DENND4B: variants seen among roughly 807,000 people sequenced by gnomAD.
DENND4B encodes the protein DENN domain-containing protein 4B.
Under a neutral mutation model 161.0 loss-of-function variants are expected in DENND4B, and 67 were observed. The ratio of observed to expected loss-of-function variants is 0.42; its 90% CI spans 0.34 to 0.51. The LOEUF (loss-of-function observed/expected upper bound fraction) is 0.51, where lower values mean the gene tolerates loss of function less well. Ranked by LOEUF, DENND4B falls within the 20% of genes least tolerant of loss-of-function variation. The pLI, the probability that DENND4B is intolerant of heterozygous loss-of-function variation, is 0.08. For synonymous variants in DENND4B, 753 were observed against 813.8 expected, an observed-to-expected ratio of 0.93 and a Z score of 1.27; for missense variants, 1,481 against 1,968.0, an observed-to-expected ratio of 0.75 and a Z score of 4.68.
intron 24 of DENND4B, among the ~76,000 whole-genome samples, chr1:153,931,733 T>C (rs1678951358): frequency 2.0e-5 from 3 of 152,072 alleles, no homozygotes; most frequent in East Asian, 1.9e-4. Context: ...CCTGACCTCA[T>C]GATCTGCCCA....
Position 153,930,120 on chromosome 1 carries a change from A to G in DENND4B, c.*177T>C. On this transcript the variant is annotated 3_prime_UTR_variant, in exon 28 of 28. Transcript: ENST00000361217. This position sits in a 1 kb window ranked among gnomAD's most constrained non-coding sequence, Gnocchi z 4.7. Reference sequence around the variant, plus strand: ...AACTGGGTAGGTTGGTGATGGGGGAATCAGGACTTTTGGTAACAGTGGATC... The same window carrying G: ...AACTGGGTAGGTTGGTGATGGGGGAGTCAGGACTTTTGGTAACAGTGGATC... 1.2e-6 allele frequency: 1 copy of G among 843,664 alleles called. No individual in the cohort carries two copies. Among genetic ancestry groups the G allele is most frequent in the Non-Finnish European group, 1.8e-6 (1 of 561,912 alleles). The allele number at this position is 843,664 out of a possible 1,614,324, so 52.3% of individuals were successfully genotyped here.
intron 6 of DENND4B, 96 bp downstream of exon 6, chr1:153,941,773 C>CGGGGGGGGGGGGG: frequency 5.6e-6 from 8 of 1,426,304 alleles, no homozygotes; most frequent in African/African-American, 1.4e-5. Context: ...ACCCTGTGCC[C>CGGGGGGGGGGGGG]AGCCCTCCCC....
rs772429688 is a variant in DENND4B at position 153,932,980 on chromosome 1, A to G, written c.3504T>C (p.Tyr1168=). 5 of 1,613,976 alleles carry G rather than the reference A, an allele frequency of 3.1e-6. No individual in the cohort carries two copies. Among genetic ancestry groups the G allele is most frequent in the Non-Finnish European group, 4.2e-6 (5 of 1,179,876 alleles). ...SLCRACDSLV[Y]DEEIMAGWAP... ...CCCAGCCAGCCATGATTTCCTCATC[A>G]TACACCAGCGAATCACAGGCACGGC... Residue 1168 remains tyrosine (Y), a synonymous_variant, in exon 22 of 28, where the codon TAT becomes TAC. Transcript: ENST00000361217. The surrounding 1 kb of genome is among the most constrained non-coding windows in gnomAD (Gnocchi z 5.8).
At chr1:153,946,766 C>A (rs1257746956), upstream of DENND4B, 5 of 371,250 alleles carry the variant, frequency 1.3e-5, no homozygotes, top group Admixed American at 4.6e-5. The surrounding 1 kb of genome is among the most constrained non-coding windows in gnomAD (Gnocchi z 6.3). Context: ...GCTGGGAGGG[C>A]CCCCTGCACC....
At chr1:153,946,824 G>C, upstream of DENND4B, 2 of 352,998 alleles carry the variant, frequency 5.7e-6, no homozygotes, top group Non-Finnish European at 1.0e-5. The surrounding 1 kb of genome is among the most constrained non-coding windows in gnomAD (Gnocchi z 6.3). Context: ...ACTGACCCCA[G>C]GCGACCCAGA....
In DENND4B at chr1:153,936,898, G is replaced by A. The variant is rs1679374508; in HGVS notation, c.2233-150C>T. 1 of 703,984 alleles carries A rather than the reference G, an allele frequency of 1.4e-6. No homozygotes were observed. The highest frequency in any genetic ancestry group is 2.2e-6 in the Non-Finnish European group (1 of 453,188). 43.6% of individuals were successfully genotyped at this position (703,984 alleles called of 1,614,324 possible). On this transcript the variant is annotated intron_variant, in intron 15 of 27. Coordinates refer to ENST00000361217, the MANE Select transcript of DENND4B (RefSeq NM_014856.3). The surrounding 1 kb of genome is among the most constrained non-coding windows in gnomAD (Gnocchi z 4.1). The stretch of plus-strand genomic sequence containing the variant: ...GGCTCACTGCAGACTCGGCCTCCTG[G>A]GCTCAAGCGATTCTCCCACCTCAGT...
chr1:153,934,041 C>T lies in DENND4B; in HGVS notation c.2941+94G>A, dbSNP rs904916195. ...ATCTACAGCACCCACCACAGAGGGC[C>T]GCCCTCCACTCTGTTTCTGGTCTTC... On this transcript the variant is annotated intron_variant, in intron 19 of 27. Transcript: ENST00000361217. The surrounding 1 kb of genome is among the most constrained non-coding windows in gnomAD (Gnocchi z 5.3). 3.9e-5 allele frequency: 57 copies of T among 1,458,166 alleles called. No individual in the cohort carries two copies. The highest frequency in any genetic ancestry group is 2.2e-4 in the Middle Eastern group (1 of 4,464). 90.3% of individuals were successfully genotyped at this position (1,458,166 alleles called of 1,614,324 possible). A position where few individuals can be genotyped will look rare whatever the true frequency, so the allele number is the denominator to read the frequency against.
At position 153,941,862 on chromosome 1, in the gene DENND4B, TGCTCAC is replaced by T; in HGVS notation, c.1055+1_1055+6del. On this transcript the variant is annotated splice_donor_variant and splice_donor_5th_base_variant and intron_variant, in intron 6 of 27. Coordinates refer to ENST00000361217, the MANE Select transcript of DENND4B (RefSeq NM_014856.3). LOFTEE classifies it high-confidence loss of function. ...CCCCTTCCCAATGGCAGAGGAGCCATGCTCACGCTTCCAAGGGTAGGCGGTGGGGGC... is the reference window on the plus strand; with the variant it reads ...CCCCTTCCCAATGGCAGAGGAGCCATGCTTCCAAGGGTAGGCGGTGGGGGC... 1 of 1,474,162 alleles carries T rather than the reference TGCTCAC, an allele frequency of 6.8e-7. No individual in the cohort carries two copies. The highest frequency in any genetic ancestry group is 9.1e-7 in the Non-Finnish European group (1 of 1,093,606). The allele number at this position is 1,474,162 out of a possible 1,614,324, so 91.3% of individuals were successfully genotyped here.
In DENND4B at chr1:153,930,703, C is replaced by A; in HGVS notation, c.4269G>T (p.Leu1423=). Residue 1423 remains leucine, a synonymous_variant, in exon 26 of 28, where the codon CTG becomes CTT. Transcript: ENST00000361217. The surrounding 1 kb of genome is among the most constrained non-coding windows in gnomAD (Gnocchi z 4.7). ...LETLGPPPTG[L]HLQRGIYREI... ...TGGTAGCACCATACCTCTGCAGGTG[C>A]AGGCCAGTGGGTGGGGGCCCTAGAG... The A allele has an allele frequency of 6.2e-7, 1 of 1,612,134 alleles. No individual in the cohort carries two copies. The highest frequency in any genetic ancestry group is 8.5e-7 in the Non-Finnish European group (1 of 1,178,900).
rs1300137362 is a variant in DENND4B at position 153,931,055 on chromosome 1, G to A, written c.4006C>T (p.Pro1336Ser). Residue 1336 changes from proline to serine, a missense_variant, in exon 25 of 28, where the codon CCT becomes TCT. Around this residue, in one of 3 missense-constraint regions of DENND4B, gnomAD observed 336 missense variants for 503.3 expected, o/e 0.67. Coordinates refer to ENST00000361217, the MANE Select transcript of DENND4B (RefSeq NM_014856.3). ...DGPSHSQAPS[P>S]WLTPDPASVQ... Reference sequence around the variant, plus strand: ...GAGGCTGGATCAGGGGTTAGCCAAGGAGATGGGGCCTGGGGGAGCCAAGAT... The same window carrying A: ...GAGGCTGGATCAGGGGTTAGCCAAGAAGATGGGGCCTGGGGGAGCCAAGAT... 1 of 1,610,798 alleles carries A rather than the reference G, an allele frequency of 6.2e-7. No individual in the cohort carries two copies. Among genetic ancestry groups the A allele is most frequent in the South Asian group, 1.1e-5 (1 of 90,300 alleles).
At chr1:153,945,269 A>G (rs1414524743) in intron 1 of DENND4B, 4 of 870,456 alleles carry the variant, frequency 4.6e-6, no homozygotes, top group Non-Finnish European at 6.4e-6. Flanking sequence ...TTCAGAGGGG[A>G]AGGGAGGTTA....
Position 153,931,019 on chromosome 1 carries a change from G to A in DENND4B, c.4042C>T (p.Arg1348Trp), listed in dbSNP as rs753159925. Residue 1348 changes from arginine to tryptophan, a missense_variant, in exon 25 of 28, where the codon CGG (arginine) becomes TGG (tryptophan). By Grantham distance (101) the Arg-to-Trp change is moderately radical. This residue lies in a region of DENND4B where 336 missense variants were observed against 503.3 expected (regional missense o/e 0.67). Coordinates refer to ENST00000361217, the MANE Select transcript of DENND4B (RefSeq NM_014856.3). ...GGGGTCAGTACATCCCACAGCAGCC[G>A]TACCTGAACAGAGGCTGGATCAGGG... is the stretch of plus-strand genomic sequence containing the variant. ...LTPDPASVQV[R>W]LLWDVLTPDP... The A allele has an allele frequency of 5.6e-6, 9 of 1,611,704 alleles. No individual in the cohort carries two copies. The highest frequency in any genetic ancestry group is 6.8e-6 in the Non-Finnish European group (8 of 1,178,964).
Position 153,934,645 on chromosome 1 carries a change from T to A in DENND4B, c.2773+115A>T. ...CTTTTGTTACCAGTCAAGTGTAATT[T>A]ATCAATCCCCAGAAACCCAATGCCA... On this transcript the variant is annotated intron_variant, in intron 18 of 27. Coordinates refer to ENST00000361217, the MANE Select transcript of DENND4B (RefSeq NM_014856.3). This position sits in a 1 kb window ranked among gnomAD's most constrained non-coding sequence, Gnocchi z 5.3. The A allele has an allele frequency of 6.8e-7, 1 of 1,474,076 alleles. No homozygotes were observed. The highest frequency in any genetic ancestry group is 9.0e-7 in the Non-Finnish European group (1 of 1,108,108). The allele number at this position is 1,474,076 out of a possible 1,614,324, so 91.3% of individuals were successfully genotyped here. A position where few individuals can be genotyped will look rare whatever the true frequency, so the allele number is the denominator to read the frequency against.
chr1:153,946,530 G>T lies in DENND4B; in HGVS notation c.-253C>A, dbSNP rs1387917888. 3 of 389,992 alleles carry T rather than the reference G, an allele frequency of 7.7e-6. No homozygotes were observed. Among genetic ancestry groups the T allele is most frequent in the Non-Finnish European group, 1.4e-5 (3 of 220,454 alleles). The allele number at this position is 389,992 out of a possible 1,614,324, so 24.2% of individuals were successfully genotyped here. A position where few individuals can be genotyped will look rare whatever the true frequency, so the allele number is the denominator to read the frequency against. ...CCGCGTCCCCGCCGCGCTGCGCCAC[G>T]CGGGGACTGTGCTGCCGCGCTGCTC... On this transcript the variant is annotated 5_prime_UTR_variant, in exon 1 of 28. Coordinates refer to ENST00000361217, the MANE Select transcript of DENND4B (RefSeq NM_014856.3). The surrounding 1 kb of genome is among the most constrained non-coding windows in gnomAD (Gnocchi z 6.3).
At chr1:153,939,350 GCTAC>G (rs1479959682) in intron 12 of DENND4B, among the ~76,000 whole-genome samples, 14 of 152,062 alleles carry the variant, frequency 9.2e-5, no homozygotes, top group Admixed American at 2.0e-4. Flanking sequence ...GATTACTGTG[GCTAC>G]CCCAAGCCTG....
chr1:153,940,076 A>G lies in DENND4B; in HGVS notation c.1603+80T>C. The G allele has an allele frequency of 1.6e-6, 2 of 1,238,018 alleles. No individual in the cohort carries two copies. Among genetic ancestry groups the G allele is most frequent in the Non-Finnish European group, 2.2e-6 (2 of 896,380 alleles). 76.7% of individuals were successfully genotyped at this position (1,238,018 alleles called of 1,614,324 possible). On this transcript the variant is annotated intron_variant, in intron 11 of 27. Coordinates refer to ENST00000361217, the MANE Select transcript of DENND4B (RefSeq NM_014856.3). The surrounding 1 kb of genome is among the most constrained non-coding windows in gnomAD (Gnocchi z 5.6). ...TCACTCACCTCCTTAAGAAATGTCT[A>G]GCTCCCCACAGACCTCTGCAAACTG...
rs1396440625 is a variant in DENND4B, at chr1:153,933,818, C to T, written c.2995G>A (p.Asp999Asn). Reference sequence around the variant, plus strand: ...AGGCTCAGGTCTGAGAGACTTCCATCGTGCCAGGGCACAGGTGATCCCCGG... The same window carrying T: ...AGGCTCAGGTCTGAGAGACTTCCATTGTGCCAGGGCACAGGTGATCCCCGG... Reference protein sequence around the residue: ...EPRGSPVPWHDGSLSDLSLTG... With the variant: ...EPRGSPVPWHNGSLSDLSLTG... The change falls in exon 20 of 28, where the codon GAT (aspartate) becomes AAT (asparagine). Residue 999 changes from aspartate to asparagine, a missense_variant. Physicochemically the swap from Asp to Asn is conservative, Grantham distance 23 (BLOSUM62 1). This residue lies in a region of DENND4B where 339 missense variants were observed against 330.3 expected (regional missense o/e 1.03). Transcript: ENST00000361217. This position sits in a 1 kb window ranked among gnomAD's most constrained non-coding sequence, Gnocchi z 5.7. 8.1e-6 allele frequency: 13 copies of T among 1,613,196 alleles called. No individual in the cohort carries two copies. The South Asian group carries it at 8.8e-5, about 11-fold the overall frequency.
Position 153,944,355 on chromosome 1 carries a change from G to C in DENND4B, c.20C>G (p.Pro7Arg). ...TACCACGAAGTAATCCACCAGCCGGGGGGGCCGCTCCTCCGCCATGGCCCC... is the reference window on the plus strand; with the variant it reads ...TACCACGAAGTAATCCACCAGCCGGCGGGGCCGCTCCTCCGCCATGGCCCC... Reference protein sequence around the residue: MAEERPPRLVDYFVVAG... With the variant: MAEERPRRLVDYFVVAG... The change falls in exon 2 of 28, where the codon CCC (proline) becomes CGC (arginine). Residue 7 changes from proline to arginine, a missense_variant. Around this residue, in one of 3 missense-constraint regions of DENND4B, gnomAD observed 806 missense variants for 1,134.4 expected, o/e 0.71. Coordinates refer to ENST00000361217, the MANE Select transcript of DENND4B (RefSeq NM_014856.3). This position sits in a 1 kb window ranked among gnomAD's most constrained non-coding sequence, Gnocchi z 4.8. 1 of 1,607,664 alleles carries C rather than the reference G, an allele frequency of 6.2e-7. No individual in the cohort carries two copies. The highest frequency in any genetic ancestry group is 8.5e-7 in the Non-Finnish European group (1 of 1,177,276).
chr1:153,933,653 G>T lies in DENND4B; in HGVS notation c.3160C>A (p.Arg1054=). 2 of 1,564,544 alleles carry T rather than the reference G, an allele frequency of 1.3e-6. No individual in the cohort carries two copies. The highest frequency in any genetic ancestry group is 1.2e-5 in the South Asian group (1 of 86,246). ...GGRQDEAGTP[R]RGLGARLQQL... is the part of the protein sequence containing the mutation. ...TGGAGGCGGGCACCCAGCCCTCGTC[G>T]GGGGGTGCCTGCCTCATCCTGTCGC... Residue 1054 remains arginine, a synonymous_variant, in exon 20 of 28, where the codon CGA becomes AGA. Transcript: ENST00000361217. The surrounding 1 kb of genome is among the most constrained non-coding windows in gnomAD (Gnocchi z 5.7).
Sources: gnomAD v4.1 joint callset for allele counts (sites outside exome capture counted in the v4.1 genomes callset) on GRCh38, gnomAD v4.1.1 for gene constraint, gnomAD v4.1.1 regional missense constraint, Gnocchi (gnomAD v3.1) non-coding constraint, MANE v1.5 for transcripts, NCBI Gene and HGNC (gene_info 2026-07-23, HGNC 2026-07-21) for gene names.